MAP1S: variants seen among roughly 807,000 people sequenced by gnomAD.
MAP1S encodes the protein microtubule-associated protein 1S.
MAP1S carries 27 observed loss-of-function variants against 60.9 expected under a neutral mutation model. The observed-to-expected ratio is 0.44, with a 90% confidence interval of 0.33 to 0.61. The LOEUF (loss-of-function observed/expected upper bound fraction) is 0.61, where lower values mean the gene tolerates loss of function less well. MAP1S is among the 20% of genes least tolerant of loss of function. The pLI is 0.03. For synonymous variants in MAP1S, 826 were observed against 694.2 expected, an observed-to-expected ratio of 1.19 and a Z score of -2.98; for missense variants, 1,608 against 1,486.6, an observed-to-expected ratio of 1.08 and a Z score of -1.34.
At chr19:17,731,365 A>G (rs889353651) in intron 5 of MAP1S, among the ~76,000 whole-genome samples, 4 of 152,188 alleles carry the variant, frequency 2.6e-5, no homozygotes, top group African/African-American at 4.8e-5. Context: ...TGAAAAGACT[A>G]TCCTTTCCCC....
chr19:17,720,211 G>A, intron 1 of MAP1S: 1 of 1,372,398 alleles, frequency 7.3e-7, no homozygotes, highest in South Asian at 1.7e-5. Flanking sequence ...AGTGGGACTG[G>A]CGGGCGTGAT....
chr19:17,727,051 C>T lies in MAP1S; in HGVS notation c.1667C>T (p.Ala556Val), dbSNP rs554765520. 2 of 1,606,102 alleles carry T rather than the reference C, an allele frequency of 1.2e-6. No homozygotes were observed. Among genetic ancestry groups the T allele is most frequent in the South Asian group, 2.2e-5 (2 of 89,936 alleles). The change falls in exon 5 of 7, where the codon GCC becomes GTC. Residue 556 changes from alanine (A) to valine (V), a missense_variant. Physicochemically the swap from Ala to Val is moderately conservative, Grantham distance 64. This residue lies in a region of MAP1S where 1,167 missense variants were observed against 961.4 expected (regional missense o/e 1.21). Coordinates refer to ENST00000324096, the MANE Select transcript of MAP1S (RefSeq NM_018174.6). This position sits in a 1 kb window ranked among gnomAD's most constrained non-coding sequence, Gnocchi z 4.1. ...GTGCCCAACCTCAAGAAGACGAATG[C>T]CCAGGCGGCACCCAAGCCCCGCAAA... ...SSVPNLKKTN[A>V]QAAPKPRKAP...
At chr19:17,728,558 C>CTG (rs2080464751) in intron 5 of MAP1S, among the ~76,000 whole-genome samples, 6 of 142,764 alleles carry the variant, frequency 4.2e-5, no homozygotes, top group Admixed American at 1.4e-4. Context: ...CAGTTCTGTT[C>CTG]TTTTTTTTTT....
chr19:17,733,622 G>A (rs1335278666), intron 6 of MAP1S, among the ~76,000 whole-genome samples, 194 bp downstream of exon 6: 8 of 152,198 alleles, frequency 5.3e-5, no homozygotes, highest in Admixed American at 5.2e-4. Flanking sequence ...GTCATTGGCT[G>A]TGCTGGAAGC....
In MAP1S at chr19:17,727,127, C is replaced by A. The variant is rs1422910232; in HGVS notation, c.1743C>A (p.Arg581=). ...SGFPPVANGP[R]SPPSLRCGEA... ...TCCCGCCGGTGGCAAATGGACCCCG[C>A]AGCCCGCCCAGCCTCCGATGTGGAG... The change falls in exon 5 of 7, where the codon CGC becomes CGA. Residue 581 remains arginine (R), a synonymous_variant. Coordinates refer to ENST00000324096, the MANE Select transcript of MAP1S (RefSeq NM_018174.6). The surrounding 1 kb of genome is among the most constrained non-coding windows in gnomAD (Gnocchi z 4.1). 1 of 1,593,202 alleles carries A rather than the reference C, an allele frequency of 6.3e-7. No homozygotes were observed. The highest frequency in any genetic ancestry group is 1.1e-5 in the South Asian group (1 of 88,658).
chr19:17,719,999 C>G, intron 1 of MAP1S: 2 of 522,566 alleles, frequency 3.8e-6, no homozygotes, highest in Non-Finnish European at 5.0e-6. Context: ...ATCTCCAGGT[C>G]TTAGCAGCTT....
At chr19:17,728,885 C>T (rs1379245232) in intron 5 of MAP1S, 1 of 152,192 alleles carries the variant, frequency 6.6e-6, no homozygotes, top group African/African-American at 2.4e-5. Flanking sequence ...TACTTCGTGA[C>T]CTCAGCCGTG....
chr19:17,721,954 C>T (rs755184193), intron 2 of MAP1S, among the ~76,000 whole-genome samples: 1 of 152,140 alleles, frequency 6.6e-6, no homozygotes, highest in African/African-American at 2.4e-5. Flanking sequence ...CTGATGGTCT[C>T]TTGAGTCACC....
At chr19:17,728,546 G>A (rs1180785558) in intron 5 of MAP1S, among the ~76,000 whole-genome samples, 1 of 151,858 alleles carries the variant, frequency 6.6e-6, no homozygotes, top group African/African-American at 2.4e-5. Context: ...ACGGTGCCCT[G>A]CCAGTTCTGT....
At chr19:17,723,571 C>A (rs960641581) in intron 2 of MAP1S, among the ~76,000 whole-genome samples, 3 of 140,142 alleles carry the variant, frequency 2.1e-5, no homozygotes, top group Non-Finnish European at 4.6e-5. Context: ...AAGAAAAAGG[C>A]CGGGCGCGGT....
chr19:17,719,633 TGGGGGCCCGC>T lies in MAP1S; in HGVS notation c.118+17_118+26del. On this transcript the variant is annotated intron_variant, in intron 1 of 6. Transcript: ENST00000324096. ...GAGCTCGAAAGAGGTCGGGCTGGCCTGGGGGCCCGCGGGAGCCCGGGAGGCGGGCCCGTTC... is the reference window on the plus strand; with the variant it reads ...GAGCTCGAAAGAGGTCGGGCTGGCCTGGGAGCCCGGGAGGCGGGCCCGTTC... 1 of 1,225,486 alleles carries T rather than the reference TGGGGGCCCGC, an allele frequency of 8.2e-7. No individual in the cohort carries two copies. The highest frequency in any genetic ancestry group is 3.3e-5 in the East Asian group (1 of 30,732). The allele number at this position is 1,225,486 out of a possible 1,614,324, so 75.9% of individuals were successfully genotyped here. A position where few individuals can be genotyped will look rare whatever the true frequency, so the allele number is the denominator to read the frequency against.
intron 6 of MAP1S, 132 bp from the exon 7 acceptor site, chr19:17,734,141 A>G (rs575904909): frequency 1.4e-6 from 1 of 720,348 alleles, no homozygotes; most frequent in South Asian, 1.8e-5. Flanking sequence ...TGGAGCACAC[A>G]AGATCAGGGA....
In MAP1S at chr19:17,725,152, C is replaced by T. The variant is rs766897244; in HGVS notation, c.407C>T (p.Ser136Leu). The T allele has an allele frequency of 3.1e-6, 5 of 1,614,010 alleles. No individual in the cohort carries two copies. Among genetic ancestry groups the T allele is most frequent in the Non-Finnish European group, 3.4e-6 (4 of 1,179,950 alleles). The change falls in exon 4 of 7, where the codon TCG (serine) becomes TTG (leucine). Residue 136 changes from serine to leucine, a missense_variant. By Grantham distance (145) the Ser-to-Leu change is moderately radical. Around this residue, in one of 4 missense-constraint regions of MAP1S, gnomAD observed 320 missense variants for 393.1 expected, o/e 0.81. Transcript: ENST00000324096. The surrounding 1 kb of genome is among the most constrained non-coding windows in gnomAD (Gnocchi z 4.2). ...CTGCTGCTACAGACAGGGGGCTTCT[C>T]GCCTCACCACTTCCTCCAGGTCCTG... ...GELLLQTGGF[S>L]PHHFLQVLKD...
At chr19:17,730,902 T>A (rs2080487752) in intron 5 of MAP1S, among the ~76,000 whole-genome samples, 1 of 151,152 alleles carries the variant, frequency 6.6e-6, no homozygotes, top group South Asian at 2.1e-4. Flanking sequence ...TTTCTTTTTT[T>A]TTTTTTTCAG....
rs200908257 is a variant in MAP1S at position 17,725,021 on chromosome 19, G to T, written c.304-28G>T. 1.7e-4 allele frequency: 275 copies of T among 1,614,066 alleles called. No homozygotes were observed. The Middle Eastern group carries it at 4.0e-3, about 23-fold the overall frequency. ...CTGGATACGTCACTGCACAGAACGGGTCCTTTAGTGTTCACCCCCTCCCTC... is the reference window on the plus strand; with the variant it reads ...CTGGATACGTCACTGCACAGAACGGTTCCTTTAGTGTTCACCCCCTCCCTC... On this transcript the variant is annotated intron_variant, in intron 3 of 6. Transcript: ENST00000324096. The surrounding 1 kb of genome is among the most constrained non-coding windows in gnomAD (Gnocchi z 4.2).
At chr19:17,719,967 G>T (rs2080355943) in intron 1 of MAP1S, 3 of 300,236 alleles carry the variant, frequency 1.0e-5, no homozygotes, top group Non-Finnish European at 1.5e-5. Context: ...CTGCCCGGGG[G>T]TAGGGCCTGG....
At chr19:17,731,543 C>T (rs569897982) in intron 5 of MAP1S, among the ~76,000 whole-genome samples, 1 of 152,294 alleles carries the variant, frequency 6.6e-6, no homozygotes, top group East Asian at 1.9e-4. Context: ...AAGTGTGAGT[C>T]CTCTATCTTG....
At chr19:17,733,562 G>C in intron 6 of MAP1S, 134 bp downstream of exon 6, 1 of 700,062 alleles carries the variant, frequency 1.4e-6, no homozygotes, top group Admixed American at 3.1e-5. Flanking sequence ...GTCTCACATG[G>C]CTCAGCCCTT....
intron 2 of MAP1S, among the ~76,000 whole-genome samples, chr19:17,723,049 T>C (rs1327243954): frequency 6.6e-6 from 1 of 151,272 alleles, no homozygotes; most frequent in Non-Finnish European, 1.5e-5. Context: ...GCCACCCCCC[T>C]CTCACAGTAC....
Sources: allele counts gnomAD v4.1 joint callset (sites outside exome capture counted in the v4.1 genomes callset), GRCh38; gene constraint gnomAD v4.1.1; regional missense constraint gnomAD v4.1.1; non-coding constraint Gnocchi (gnomAD v3.1); transcripts MANE v1.5; gene names NCBI Gene and HGNC (gene_info 2026-07-23, HGNC 2026-07-21).